The following SLC14A2 variants were observed in gnomAD, a reference collection of about 807,000 sequenced individuals.
SLC14A2 encodes the protein urea transporter 2.
In SLC14A2, 91 loss-of-function variants were observed where a neutral mutation model predicts 104.6. That is an observed-to-expected ratio of 0.87 (90% confidence interval 0.73 to 1.04). The LOEUF (loss-of-function observed/expected upper bound fraction) is 1.04. Among genes scored for constraint, SLC14A2 ranks in the 50% least tolerant of loss-of-function variants. SLC14A2 has a pLI of 0.00. For synonymous variants in SLC14A2, 476 were observed against 466.4 expected, an observed-to-expected ratio of 1.02 and a Z score of -0.27; for missense variants, 1,189 against 1,156.0, an observed-to-expected ratio of 1.03 and a Z score of -0.41.
At chr18:45,476,477 G>A (rs991828380) in intron 1 of SLC14A2, among the ~76,000 whole-genome samples, 8 of 152,134 alleles carry the variant, frequency 5.3e-5, no homozygotes, top group Non-Finnish European at 1.0e-4. Context: ...CTCTTCTTGA[G>A]AAGTATCTTT....
chr18:45,405,613 T>A (rs566913949), intron 1 of SLC14A2, among the ~76,000 whole-genome samples: 2 of 152,294 alleles, frequency 1.3e-5, no homozygotes, highest in South Asian at 4.1e-4. Context: ...TAAATCATGC[T>A]ATCAATTGGC....
At chr18:45,421,029 G>A (rs770219355) in intron 1 of SLC14A2, among the ~76,000 whole-genome samples, 5 of 151,962 alleles carry the variant, frequency 3.3e-5, no homozygotes, top group African/African-American at 4.8e-5. Flanking sequence ...ATGAGCCACC[G>A]CACCCGGCCT....
intron 1 of SLC14A2, among the ~76,000 whole-genome samples, chr18:45,376,672 A>G (rs895031516): frequency 6.6e-6 from 1 of 152,164 alleles, no homozygotes; most frequent in Non-Finnish European, 1.5e-5. Context: ...ATGGTTCTCG[A>G]TGGCTTTGAG....
At chr18:45,214,468 G>A (rs1447246329) in intron 1 of SLC14A2, among the ~76,000 whole-genome samples, 2 of 152,176 alleles carry the variant, frequency 1.3e-5, no homozygotes, top group Admixed American at 6.5e-5. Context: ...TCAGATGAAT[G>A]TATCTATTAT....
At chr18:45,270,519 T>C (rs1024563086) in intron 1 of SLC14A2, among the ~76,000 whole-genome samples, 2 of 152,100 alleles carry the variant, frequency 1.3e-5, no homozygotes, top group Admixed American at 1.3e-4. Context: ...ATAGACCAAG[T>C]CTGAGAGGCT....
chr18:45,321,854 G>A (rs1375087513), intron 1 of SLC14A2, among the ~76,000 whole-genome samples: 2 of 152,216 alleles, frequency 1.3e-5, no homozygotes, highest in East Asian at 3.9e-4. Context: ...GTAGGAAGGT[G>A]GAGAGGTTTT....
intron 2 of SLC14A2, among the ~76,000 whole-genome samples, chr18:45,548,609 T>A (rs149123811): frequency 1.3e-5 from 2 of 152,284 alleles, no homozygotes; most frequent in East Asian, 3.9e-4. Context: ...GGGGCTGATG[T>A]GGGATGATTG....
At chr18:45,675,720 T>A (rs1229925483) in intron 18 of SLC14A2, among the ~76,000 whole-genome samples, 4 of 124,230 alleles carry the variant, frequency 3.2e-5, no homozygotes, top group African/African-American at 1.5e-4. Flanking sequence ...TTTTTTTTTT[T>A]TTTTTTTTTG....
At chr18:45,260,304 C>T (rs963286737) in intron 1 of SLC14A2, among the ~76,000 whole-genome samples, 1 of 152,072 alleles carries the variant, frequency 6.6e-6, no homozygotes, top group African/African-American at 2.4e-5. Context: ...AGTTGCTATA[C>T]CCAGAAGAAT....
chr18:45,232,284 GGAGA>G (rs1467748639), intron 1 of SLC14A2, among the ~76,000 whole-genome samples: 2 of 152,114 alleles, frequency 1.3e-5, no homozygotes, highest in African/African-American at 4.8e-5. Flanking sequence ...TGGCAGATCA[GGAGA>G]GAGAGAGTGA....
chr18:45,273,423 A>G (rs2084671021), intron 1 of SLC14A2, among the ~76,000 whole-genome samples: 1 of 152,130 alleles, frequency 6.6e-6, no homozygotes. Flanking sequence ...CTGGAGGTAA[A>G]ATCAAGATAA....
rs1238212294 is a variant in SLC14A2 at position 45,543,559 on chromosome 18, A to T, written c.-35+60237A>T. On this transcript the variant is annotated intron_variant, in intron 2 of 20. Coordinates refer to the SLC14A2 transcript ENST00000586448. ...AAAGTACTGGACTAATGACCTCTAA[A>T]CTCCTTTCAGTATTAAGATTCTCTG... Among the ~76,000 whole-genome samples, 9 of 151,964 alleles carry T rather than the reference A, an allele frequency of 5.9e-5. 1 individual carries two copies. Among genetic ancestry groups the T allele is most frequent in the Admixed American group, 3.3e-4 (5 of 15,268 alleles).
chr18:45,509,736 G>A (rs2043338274), intron 2 of SLC14A2, among the ~76,000 whole-genome samples: 1 of 152,206 alleles, frequency 6.6e-6, no homozygotes, highest in Non-Finnish European at 1.5e-5. Context: ...TCTTGAGGGA[G>A]GTTCCAGGGG....
chr18:45,177,026 AT>A, the SLC14A2 span, among the ~76,000 whole-genome samples: 4 of 152,184 alleles, frequency 2.6e-5, no homozygotes, highest in African/African-American at 7.2e-5. Context: ...TTCCAAAACT[AT>A]TTTTTAAACT....
intron 1 of SLC14A2, among the ~76,000 whole-genome samples, chr18:45,403,171 A>G (rs2086114668): frequency 6.6e-6 from 1 of 152,132 alleles, no homozygotes. Context: ...ATGTCCTCGT[A>G]TGTTCTTTCT....
chr18:45,269,874 T>G (rs1162859475), intron 1 of SLC14A2, among the ~76,000 whole-genome samples: 1 of 152,220 alleles, frequency 6.6e-6, no homozygotes, highest in African/African-American at 2.4e-5. Flanking sequence ...ATTTATCATG[T>G]ATTAGAGAGT....
At chr18:45,231,456 G>A (rs926742282) in intron 1 of SLC14A2, among the ~76,000 whole-genome samples, 11 of 152,092 alleles carry the variant, frequency 7.2e-5, no homozygotes, top group African/African-American at 1.7e-4. Context: ...TCCTGCCTTG[G>A]CCTCCCAAAT....
At chr18:45,374,497 C>T (rs1398621112) in intron 1 of SLC14A2, among the ~76,000 whole-genome samples, 1 of 152,078 alleles carries the variant, frequency 6.6e-6, no homozygotes, top group Non-Finnish European at 1.5e-5. Flanking sequence ...CTGGAGACCA[C>T]CAGAGTTGGA....
chr18:45,548,256 G>A (rs932359294), intron 2 of SLC14A2, among the ~76,000 whole-genome samples: 1 of 152,222 alleles, frequency 6.6e-6, no homozygotes, highest in Admixed American at 6.5e-5. Flanking sequence ...GTGAGGGCCT[G>A]AGGCTACCAG....
Sources: gnomAD v4.1 joint callset for allele counts (sites outside exome capture counted in the v4.1 genomes callset) on GRCh38, gnomAD v4.1.1 for gene constraint, MANE v1.5 for transcripts, NCBI Gene and HGNC (gene_info 2026-07-23, HGNC 2026-07-21) for gene names.